Variants in MAGI2 observed in about 807,000 individuals in gnomAD.
MAGI2 encodes membrane associated guanylate kinase, WW and PDZ domain containing 2.
Under a neutral mutation model 133.3 loss-of-function variants are expected in MAGI2, and 35 were observed. The observed-to-expected ratio is 0.26, with a 90% CI of 0.20 to 0.35. MAGI2 has a LOEUF of 0.35. Ranked by LOEUF, MAGI2 falls within the 10% of genes least tolerant of loss-of-function variation. The probability of loss-of-function intolerance (pLI) is 1.00; values close to 1 mark genes in which losing one functional copy is unlikely to be tolerated. For missense variants in MAGI2, 1,636 were observed against 1,863.4 expected, an observed-to-expected ratio of 0.88 and a Z score of 2.25; for synonymous variants, 729 against 710.6, an observed-to-expected ratio of 1.03 and a Z score of -0.41.
At chr7:78,626,387 T>A (rs1324604807) in intron 3 of MAGI2, among the ~76,000 whole-genome samples, 1 of 152,190 alleles carries the variant, frequency 6.6e-6, no homozygotes, top group Non-Finnish European at 1.5e-5. Context: ...TTTAATGCCA[T>A]CATTCCACTT....
chr7:78,464,527 C>G (rs532725039), intron 6 of MAGI2, among the ~76,000 whole-genome samples: 1 of 152,142 alleles, frequency 6.6e-6, no homozygotes, highest in East Asian at 1.9e-4. Flanking sequence ...CTCCAGGAAC[C>G]AACAGCAAGT....
chr7:78,255,746 A>T, intron 10 of MAGI2, 197 bp downstream of exon 10: 1 of 651,010 alleles, frequency 1.5e-6, no homozygotes, highest in Non-Finnish European at 2.7e-6. Flanking sequence ...TGTGTTTAAT[A>T]CAAAATAGAA....
intron 3 of MAGI2, among the ~76,000 whole-genome samples, chr7:78,538,242 G>C (rs777482948): frequency 6.6e-6 from 1 of 152,162 alleles, no homozygotes; most frequent in Non-Finnish European, 1.5e-5. Context: ...TTGTAGTATA[G>C]TTTGAGGTTG....
rs1417284831 is a variant in MAGI2 at position 79,007,109 on chromosome 7, G to A, written c.399C>T (p.Leu133=). 1 of 1,612,490 alleles carries A rather than the reference G, an allele frequency of 6.2e-7. No individual in the cohort carries two copies. The highest frequency in any genetic ancestry group is 1.1e-5 in the South Asian group (1 of 90,880). Residue 133 remains leucine (L), a synonymous_variant, in exon 2 of 22, where the codon CTC becomes CTT. Coordinates refer to ENST00000354212, the MANE Select transcript of MAGI2 (RefSeq NM_012301.4). ...ACTCACATGGCACCGTGCGGAGGTA[G>A]AGGTTGTCACGAATGATTTGCTGAA... ...HELQQIIRDN[L]YLRTVPCTTR... is the part of the protein sequence containing the mutation.
At chr7:79,301,516 C>T (rs1837394887) in intron 1 of MAGI2, among the ~76,000 whole-genome samples, 2 of 152,180 alleles carry the variant, frequency 1.3e-5, no homozygotes, top group African/African-American at 4.8e-5. Flanking sequence ...AATGTTTACC[C>T]AATGCCTGTA....
chr7:79,220,785 G>C (rs1286141765), intron 1 of MAGI2, among the ~76,000 whole-genome samples: 1 of 151,980 alleles, frequency 6.6e-6, no homozygotes, highest in Non-Finnish European at 1.5e-5. Context: ...TTAAAATACT[G>C]AAAAACCTGG....
chr7:79,254,310 G>GT (rs34729749), intron 1 of MAGI2, among the ~76,000 whole-genome samples: 93,055 of 151,958 alleles, frequency 0.61, 29,805 homozygotes, highest in Non-Finnish European at 0.71. Flanking sequence ...TCCCCATTTT[G>GT]TGTTTGTCTT....
chr7:78,247,532 T>C (rs1237566139), intron 10 of MAGI2, among the ~76,000 whole-genome samples: 4 of 151,720 alleles, frequency 2.6e-5, no homozygotes, highest in African/African-American at 9.7e-5. Flanking sequence ...AGAATACAGA[T>C]AGACAGTTGA....
chr7:78,052,485 C>G (rs147437846), intron 21 of MAGI2, among the ~76,000 whole-genome samples: 2 of 152,166 alleles, frequency 1.3e-5, no homozygotes, highest in East Asian at 3.9e-4. Flanking sequence ...TGCAGAACCA[C>G]GAGCCAAATA....
chr7:79,074,770 A>G (rs1486085523), intron 1 of MAGI2, among the ~76,000 whole-genome samples: 2 of 152,220 alleles, frequency 1.3e-5, no homozygotes, highest in Non-Finnish European at 2.9e-5. Context: ...GGGAAAGCCA[A>G]ACAGGAAATC....
intron 1 of MAGI2, among the ~76,000 whole-genome samples, chr7:79,207,401 C>T (rs1200323207): frequency 2.6e-5 from 4 of 151,828 alleles, no homozygotes; most frequent in Admixed American, 2.6e-4. Flanking sequence ...ATTTAAAAAT[C>T]AGTAGAATTT....
rs142209810 is a variant in MAGI2 at position 79,157,596 on chromosome 7, A to C, written c.302-150390T>G. On this transcript the variant is annotated intron_variant, in intron 1 of 21. Transcript: ENST00000354212. ...AAAAGTAGGAAACAAATAATCAACA[A>C]ATAAGGCAAGAACAAGCAGAATGAC... Among the ~76,000 whole-genome samples, 1,029 of 151,980 alleles carry C rather than the reference A, an allele frequency of 6.8e-3. 4 individuals carry two copies. Among genetic ancestry groups the C allele is most frequent in the Non-Finnish European group, 0.011 (779 of 67,960 alleles).
At position 78,316,503 on chromosome 7, in the gene MAGI2, G is replaced by A. The variant is rs552116646; in HGVS notation, c.1408+27275C>T. On this transcript the variant is annotated intron_variant, in intron 9 of 21. Transcript: ENST00000354212. ...GCTGACAAGAAAAAGTACTCTGTAA[G>A]CCTTTATTTGTATGTGATAAAACAG... is the stretch of plus-strand genomic sequence containing the variant. Among the ~76,000 whole-genome samples, 6 of 152,318 alleles carry A rather than the reference G, an allele frequency of 3.9e-5. No individual in the cohort carries two copies. In the East Asian group the frequency reaches 1.2e-3, roughly 29 times the overall value.
At chr7:78,708,565 A>C (rs534782439) in intron 2 of MAGI2, among the ~76,000 whole-genome samples, 1 of 152,300 alleles carries the variant, frequency 6.6e-6, no homozygotes, top group African/African-American at 2.4e-5. Flanking sequence ...AATTCATTTC[A>C]TTCTAGATAT....
At chr7:79,259,348 C>T (rs1447369796) in intron 1 of MAGI2, among the ~76,000 whole-genome samples, 1 of 152,110 alleles carries the variant, frequency 6.6e-6, no homozygotes, top group African/African-American at 2.4e-5. Context: ...ATCTTAGAGG[C>T]AATCAGCCAC....
chr7:78,524,526 A>G (rs1796786225), intron 3 of MAGI2, among the ~76,000 whole-genome samples: 1 of 152,202 alleles, frequency 6.6e-6, no homozygotes, highest in Admixed American at 6.5e-5. Flanking sequence ...AAGAAAAAAA[A>G]TTAAGTTGTA....
intron 15 of MAGI2, among the ~76,000 whole-genome samples, chr7:78,164,923 T>A (rs1228284996): frequency 1.3e-5 from 2 of 152,112 alleles, no homozygotes; most frequent in African/African-American, 4.8e-5. Context: ...TTAAAGCCAC[T>A]CTTCTCATAT....
intron 2 of MAGI2, among the ~76,000 whole-genome samples, chr7:78,874,532 A>G (rs1795269111): frequency 6.6e-6 from 1 of 152,218 alleles, no homozygotes. Flanking sequence ...GAAAGCCAGG[A>G]ACAGAATGAA....
chr7:79,033,439 AT>A (rs1293927930), intron 1 of MAGI2, among the ~76,000 whole-genome samples: 1 of 152,158 alleles, frequency 6.6e-6, no homozygotes, highest in Non-Finnish European at 1.5e-5. Flanking sequence ...CAGAATAAAC[AT>A]TTTATATGTG....
Sources: allele counts gnomAD v4.1 joint callset (sites outside exome capture counted in the v4.1 genomes callset), GRCh38; gene constraint gnomAD v4.1.1; transcripts MANE v1.5; gene names NCBI Gene and HGNC (gene_info 2026-07-23, HGNC 2026-07-21).